Variants in RBFOX1 observed in about 807,000 individuals in gnomAD.
RBFOX1 encodes the protein RNA binding protein fox-1 homolog 1.
A neutral mutation model predicts 57.7 loss-of-function variants in RBFOX1; 8 were observed. The ratio of observed to expected loss-of-function variants is 0.14; its 90% CI spans 0.08 to 0.25. The LOEUF (loss-of-function observed/expected upper bound fraction) is 0.25, where lower values mean the gene tolerates loss of function less well. RBFOX1 is among the 10% of genes least tolerant of loss of function. The probability of loss-of-function intolerance (pLI) is 1.00; values close to 1 mark genes in which losing one functional copy is unlikely to be tolerated. For synonymous variants in RBFOX1, 326 were observed against 222.4 expected (o/e 1.47, Z -4.15); for missense variants, 611 against 548.5 (o/e 1.11, Z -1.14).
chr16:7,575,221 G>A (rs1602248961), intron 5 of RBFOX1, among the ~76,000 whole-genome samples: 2 of 151,876 alleles, frequency 1.3e-5, no homozygotes, highest in South Asian at 2.1e-4. Context: ...TGTAACCTCT[G>A]CCTCCTGGAT....
chr16:6,297,963 C>G (rs1460932274), intron 1 of RBFOX1, among the ~76,000 whole-genome samples: 2 of 152,208 alleles, frequency 1.3e-5, no homozygotes, highest in East Asian at 1.9e-4. Context: ...TCCTTCAATT[C>G]TGTGTGTGAC....
chr16:6,600,491 C>T (rs562138614), intron 2 of RBFOX1, among the ~76,000 whole-genome samples: 1 of 152,274 alleles, frequency 6.6e-6, no homozygotes, highest in Admixed American at 6.5e-5. Flanking sequence ...GCAGAGTCTC[C>T]AAACCCTTTA....
chr16:6,244,255 A>G (rs112481311), intron 1 of RBFOX1, among the ~76,000 whole-genome samples: 47 of 151,872 alleles, frequency 3.1e-4, no homozygotes, highest in African/African-American at 1.1e-3. Context: ...TGTTAGTGGC[A>G]TGCCATTTCC....
chr16:6,071,519 A>C (rs990631009), intron 1 of RBFOX1, among the ~76,000 whole-genome samples: 5 of 137,414 alleles, frequency 3.6e-5, no homozygotes, highest in African/African-American at 1.4e-4. Context: ...GTAGTCCTGA[A>C]CTTAAAAAAA....
At chr16:5,756,251 C>T (rs928425294) in intron 3 of RBFOX1, among the ~76,000 whole-genome samples, 1 of 145,228 alleles carries the variant, frequency 6.9e-6, no homozygotes, top group African/African-American at 2.6e-5. Flanking sequence ...AAAAAAAACC[C>T]TGCACCACCT....
chr16:6,032,897 T>TC (rs2095310538), intron 1 of RBFOX1, among the ~76,000 whole-genome samples: 2 of 149,736 alleles, frequency 1.3e-5, no homozygotes, highest in African/African-American at 5.1e-5. Context: ...TTTTTTTTTT[T>TC]TCCCTCTCTC....
chr16:7,106,990 C>A (rs879648079), intron 4 of RBFOX1, among the ~76,000 whole-genome samples: 2 of 150,910 alleles, frequency 1.3e-5, no homozygotes, highest in Non-Finnish European at 3.0e-5. Flanking sequence ...TTAAAACACA[C>A]ACACACACAC....
chr16:7,366,739 C>T (rs2097457109), intron 4 of RBFOX1, among the ~76,000 whole-genome samples: 1 of 151,404 alleles, frequency 6.6e-6, no homozygotes. Context: ...ATGGCAGCTA[C>T]AAAGCCGTTC....
At chr16:6,816,543 C>A (rs997509714) in intron 3 of RBFOX1, among the ~76,000 whole-genome samples, 9 of 151,414 alleles carry the variant, frequency 5.9e-5, no homozygotes, top group African/African-American at 2.2e-4. Flanking sequence ...AGATGAAGAC[C>A]ATCCTGGCTA....
chr16:7,648,793 C>T (rs1035516418), intron 11 of RBFOX1, among the ~76,000 whole-genome samples: 7 of 152,190 alleles, frequency 4.6e-5, no homozygotes, highest in African/African-American at 1.7e-4. Flanking sequence ...ATTTTAAATC[C>T]TGATAGTGTG....
At chr16:6,178,010 A>G (rs184296992) in intron 1 of RBFOX1, among the ~76,000 whole-genome samples, 1 of 151,396 alleles carries the variant, frequency 6.6e-6, no homozygotes, top group African/African-American at 2.4e-5. Context: ...TAAATTTATA[A>G]CTTTAAATTG....
chr16:7,170,432 C>T (rs1207415154), intron 4 of RBFOX1, among the ~76,000 whole-genome samples: 6 of 152,042 alleles, frequency 3.9e-5, no homozygotes, highest in Non-Finnish European at 8.8e-5. Context: ...TCACCACACC[C>T]AGCTAATTAA....
intron 3 of RBFOX1, among the ~76,000 whole-genome samples, chr16:5,823,253 T>A (rs1043975558): frequency 2.6e-5 from 4 of 152,130 alleles, no homozygotes; most frequent in African/African-American, 9.7e-5. Context: ...TTACACATAG[T>A]TGGTACTTGA....
intron 4 of RBFOX1, among the ~76,000 whole-genome samples, chr16:7,422,254 G>A (rs1222190544): frequency 6.6e-6 from 1 of 152,158 alleles, no homozygotes; most frequent in Non-Finnish European, 1.5e-5. Flanking sequence ...CTCAGAAACA[G>A]CCCTATTGTT....
intron 1 of RBFOX1, among the ~76,000 whole-genome samples, chr16:6,177,690 G>A (rs893508517): frequency 6.6e-6 from 1 of 152,094 alleles, no homozygotes; most frequent in African/African-American, 2.4e-5. Flanking sequence ...CCCTTGGAAA[G>A]GAAGCAGGAT....
chr16:6,514,013 C>G (rs139854071), intron 2 of RBFOX1, among the ~76,000 whole-genome samples: 1 of 152,278 alleles, frequency 6.6e-6, no homozygotes, highest in Non-Finnish European at 1.5e-5. Flanking sequence ...TGGCGCATGT[C>G]CACCTTACAG....
chr16:5,277,326 G>T (rs1483990070), intron 1 of RBFOX1, among the ~76,000 whole-genome samples: 1 of 151,998 alleles, frequency 6.6e-6, no homozygotes, highest in Non-Finnish European at 1.5e-5. Context: ...GGGGGTGAGA[G>T]ATAAAAGACT....
intron 2 of RBFOX1, among the ~76,000 whole-genome samples, chr16:5,541,033 A>G (rs551590458): frequency 6.6e-6 from 1 of 152,126 alleles, no homozygotes; most frequent in East Asian, 1.9e-4. Flanking sequence ...TATTTCTAGT[A>G]GAGATGGGGT....
intron 1 of RBFOX1, among the ~76,000 whole-genome samples, chr16:6,141,307 A>G (rs1224216356): frequency 4.6e-5 from 7 of 152,148 alleles, no homozygotes; most frequent in Non-Finnish European, 7.3e-5. Context: ...TTGTTCTTTT[A>G]CAAGGGCGAT....
Sources: gnomAD v4.1 joint callset for allele counts (sites outside exome capture counted in the v4.1 genomes callset) on GRCh38, gnomAD v4.1.1 for gene constraint, MANE v1.5 for transcripts, NCBI Gene and HGNC (gene_info 2026-07-23, HGNC 2026-07-21) for gene names.